The following APOBEC3F variants were observed in gnomAD, a reference collection of about 807,000 sequenced individuals.
The protein encoded by APOBEC3F is apolipoprotein B mRNA editing enzyme catalytic subunit 3F.
APOBEC3F carries 34 observed loss-of-function variants against 45.8 expected under a neutral mutation model. The observed-to-expected ratio is 0.74, with a 90% CI of 0.57 to 0.99. The LOEUF (loss-of-function observed/expected upper bound fraction) is 0.99. Among genes scored for constraint, APOBEC3F ranks in the 50% least tolerant of loss-of-function variants. APOBEC3F has a pLI of 0.00. For synonymous variants in APOBEC3F, 192 were observed against 174.4 expected, an observed-to-expected ratio of 1.10 and a Z score of -0.80; for missense variants, 459 against 474.1, an observed-to-expected ratio of 0.97 and a Z score of 0.30.
At chr22:39,044,129 C>T in intron 2 of APOBEC3F, 1 of 1,567,082 alleles carries the variant, frequency 6.4e-7, no homozygotes, top group Non-Finnish European at 8.7e-7. Context: ...CTCAGTAGCC[C>T]CTTTGGCCAG....
In APOBEC3F at chr22:39,053,004, T is replaced by G; in HGVS notation, c.*309T>G. On this transcript the variant is annotated 3_prime_UTR_variant, in exon 7 of 7. Transcript: ENST00000308521. ...TAACCTAATATTTTTTTTTTTTTTT[T>G]GAGACGGAATTTCGCTCTGTCACCC... The G allele has an allele frequency of 3.8e-6, 1 of 263,608 alleles. No homozygotes were observed. Among genetic ancestry groups the G allele is most frequent in the Non-Finnish European group, 6.5e-6 (1 of 153,440 alleles). The allele number at this position is 263,608 out of a possible 1,614,324, so 16.3% of individuals were successfully genotyped here.
At chr22:39,051,395 G>A (rs1160711376) in intron 5 of APOBEC3F, among the ~76,000 whole-genome samples, 1 of 151,954 alleles carries the variant, frequency 6.6e-6, no homozygotes, top group African/African-American at 2.4e-5. Context: ...AAATTAGCCA[G>A]GCGTGGTGGC....
rs973328298 is a variant in APOBEC3F at position 39,051,546 on chromosome 22, A to T, written c.724-528A>T. 1.4e-4 allele frequency among the ~76,000 whole-genome samples: 22 copies of T among 151,908 alleles called. 1 individual carries two copies. Among genetic ancestry groups the T allele is most frequent in the East Asian group, 3.9e-4 (2 of 5,182 alleles). On this transcript the variant is annotated intron_variant, in intron 5 of 6. Transcript: ENST00000308521. ...AGCGAGACTCAGTATCAAAAAAAAA[A>T]AAAAAGAAAGAAAAAGAAAAGAAAA...
At chr22:39,048,053 C>G (rs1015175960) in intron 4 of APOBEC3F, among the ~76,000 whole-genome samples, 13 of 152,220 alleles carry the variant, frequency 8.5e-5, no homozygotes, top group African/African-American at 2.7e-4. Flanking sequence ...ACAGGCTCCT[C>G]CTCCGTGAGC....
rs567454602 is a variant in APOBEC3F at position 39,053,993 on chromosome 22, A to G, written c.*1298A>G. 6.6e-6 allele frequency: 1 copy of G among 151,992 alleles called. No individual in the cohort carries two copies. The highest frequency in any genetic ancestry group is 2.1e-4 in the South Asian group (1 of 4,820). 9.4% of individuals were successfully genotyped at this position (151,992 alleles called of 1,614,324 possible). On this transcript the variant is annotated 3_prime_UTR_variant, in exon 7 of 7. Coordinates refer to ENST00000308521, the MANE Select transcript of APOBEC3F (RefSeq NM_145298.6). ...TAGTGCCCATGGGCTTTCCCATAGG[A>G]CAAGAGAACATTTCTCCTTTTCTTT...
chr22:39,053,881 C>T lies in APOBEC3F; in HGVS notation c.*1186C>T, dbSNP rs1195688238. On this transcript the variant is annotated 3_prime_UTR_variant, in exon 7 of 7. Transcript: ENST00000308521. ...ACCCTGAAACCAGCTTTATCCATAG[C>T]TTCTGCAATAAATGGCTGTAAGTCT... 3 of 152,226 alleles carry T rather than the reference C, an allele frequency of 2.0e-5. No individual in the cohort carries two copies. The highest frequency in any genetic ancestry group is 6.5e-5 in the Admixed American group (1 of 15,278). 9.4% of individuals were successfully genotyped at this position (152,226 alleles called of 1,614,324 possible).
In APOBEC3F at chr22:39,044,971, A is replaced by G. The variant is rs1213275598; in HGVS notation, c.202A>G (p.Met68Val). Residue 68 changes from methionine (M) to valine (V), a missense_variant, in exon 3 of 7, where the codon ATG becomes GTG. Physicochemically the swap from Met to Val is conservative, Grantham distance 21. Coordinates refer to ENST00000308521, the MANE Select transcript of APOBEC3F (RefSeq NM_145298.6). ...VYSQPEHHAE[M>V]CFLSWFCGNQ... ...TTCCCAGCCTGAGCACCACGCAGAA[A>G]TGTGCTTCCTCTCTTGGTTCTGTGG... The G allele has an allele frequency of 1.2e-6, 2 of 1,613,778 alleles. No individual in the cohort carries two copies. Among genetic ancestry groups the G allele is most frequent in the Non-Finnish European group, 1.7e-6 (2 of 1,179,964 alleles).
At chr22:39,046,860 G>A (rs890095064) in intron 4 of APOBEC3F, among the ~76,000 whole-genome samples, 7 of 152,012 alleles carry the variant, frequency 4.6e-5, no homozygotes, top group Non-Finnish European at 1.0e-4. Context: ...GAGTAGGCTT[G>A]GATAATGGGA....
Position 39,043,062 on chromosome 22 carries a change from G to C in APOBEC3F, c.143G>C (p.Arg48Pro), listed in dbSNP as rs35053197. 1.9e-3 allele frequency: 3,122 copies of C among 1,613,178 alleles called. 37 individuals are homozygous for C. In the African/African-American group the frequency reaches 0.027, roughly 14 times the overall value. The change falls in exon 2 of 7, where the codon CGT becomes CCT. Residue 48 changes from arginine (R) to proline (P), a missense_variant. Arg to Pro is a moderately radical substitution (Grantham distance 103, BLOSUM62 -2). Transcript: ENST00000308521. ...AAAACAAAGGGTCCCTCAAGGCCCCGTTTGGACGCAAAGATCTTTCGAGGC... is the reference window on the plus strand; with the variant it reads ...AAAACAAAGGGTCCCTCAAGGCCCCCTTTGGACGCAAAGATCTTTCGAGGC... ...EVKTKGPSRPRLDAKIFRGQV... is the reference protein window; with the variant it reads ...EVKTKGPSRPPLDAKIFRGQV...
Position 39,052,989 on chromosome 22 carries a change from T to C in APOBEC3F, c.*294T>C. Reference sequence around the variant, plus strand: ...CCCATCTCCCCAGCATAACCTAATATTTTTTTTTTTTTTTTGAGACGGAAT... The same window carrying C: ...CCCATCTCCCCAGCATAACCTAATACTTTTTTTTTTTTTTTGAGACGGAAT... On this transcript the variant is annotated 3_prime_UTR_variant, in exon 7 of 7. Coordinates refer to ENST00000308521, the MANE Select transcript of APOBEC3F (RefSeq NM_145298.6). 1 of 194,054 alleles carries C rather than the reference T, an allele frequency of 5.2e-6. No individual in the cohort carries two copies. The highest frequency in any genetic ancestry group is 8.7e-6 in the Non-Finnish European group (1 of 114,528). The allele number at this position is 194,054 out of a possible 1,614,324, so 12.0% of individuals were successfully genotyped here.
intron 1 of APOBEC3F, among the ~76,000 whole-genome samples, chr22:39,042,522 G>T (rs1926966848): frequency 6.6e-6 from 1 of 152,138 alleles, no homozygotes; most frequent in Admixed American, 6.5e-5. Context: ...ATGTTGGTGA[G>T]ACTGGTCTCA....
At chr22:39,051,971 C>A in intron 5 of APOBEC3F, 103 bp from the exon 6 acceptor site, 1 of 1,497,612 alleles carries the variant, frequency 6.7e-7, no homozygotes. Flanking sequence ...AATAAGGAAA[C>A]GCCCTGGGGC....
rs1927644517 is a variant in APOBEC3F, at chr22:39,054,973, G to A, written c.*2278G>A. ...GGGTCGGCGGGGTTGTTTGCTCTGAGGCCGCTCCTCCTGGATGGCAGGGAT... is the reference window on the plus strand; with the variant it reads ...GGGTCGGCGGGGTTGTTTGCTCTGAAGCCGCTCCTCCTGGATGGCAGGGAT... On this transcript the variant is annotated 3_prime_UTR_variant, in exon 7 of 7. Coordinates refer to ENST00000308521, the MANE Select transcript of APOBEC3F (RefSeq NM_145298.6). Among the ~76,000 whole-genome samples, 1 of 152,092 alleles carries A rather than the reference G, an allele frequency of 6.6e-6. No individual in the cohort carries two copies. Among genetic ancestry groups the A allele is most frequent in the Non-Finnish European group, 1.5e-5 (1 of 68,018 alleles).
In APOBEC3F at chr22:39,054,510, G is replaced by A. The variant is rs1569075096; in HGVS notation, c.*1815G>A. 6.6e-6 allele frequency among the ~76,000 whole-genome samples: 1 copy of A among 152,126 alleles called. No homozygotes were observed. Among genetic ancestry groups the A allele is most frequent in the Non-Finnish European group, 1.5e-5 (1 of 68,024 alleles). On this transcript the variant is annotated 3_prime_UTR_variant, in exon 7 of 7. Coordinates refer to ENST00000308521, the MANE Select transcript of APOBEC3F (RefSeq NM_145298.6). ...CTCCCAAAGTGCTGGGATTACAGGC[G>A]TGAGCCACCTGGCCAGGCTTAGGCT...
intron 6 of APOBEC3F, 85 bp downstream of exon 6, chr22:39,052,438 A>G (rs1342785268): frequency 4.4e-6 from 7 of 1,583,018 alleles, no homozygotes; most frequent in Admixed American, 1.7e-5. Context: ...GGGGCGGGGC[A>G]GTGTCCCGGG....
intron 4 of APOBEC3F, among the ~76,000 whole-genome samples, chr22:39,047,522 C>T (rs879829776): frequency 9.2e-5 from 14 of 152,184 alleles, no homozygotes; most frequent in Non-Finnish European, 1.6e-4. Context: ...GACCACTGCC[C>T]GCTCTGCCCA....
intron 5 of APOBEC3F, among the ~76,000 whole-genome samples, chr22:39,049,994 C>T (rs1428764885): frequency 3.3e-5 from 5 of 150,766 alleles, no homozygotes; most frequent in Non-Finnish European, 5.9e-5. Flanking sequence ...TGAGCCACCA[C>T]GCCCAACTTC....
chr22:39,052,513 G>A, intron 6 of APOBEC3F, 64 bp from the exon 7 acceptor site: 3 of 1,571,350 alleles, frequency 1.9e-6, no homozygotes, highest in Non-Finnish European at 2.6e-6. Context: ...GCTTGGAGGG[G>A]AGGGCCCAGG....
At position 39,045,176 on chromosome 22, in the gene APOBEC3F, G is replaced by A; in HGVS notation, c.407G>A (p.Arg136Lys). 2 of 1,614,186 alleles carry A rather than the reference G, an allele frequency of 1.2e-6. No homozygotes were observed. The highest frequency in any genetic ancestry group is 1.7e-6 in the Non-Finnish European group (2 of 1,180,024). ...AGAGATTACCGAAGGGCGCTCTGCA[G>A]GCTGAGTCAGGCAGGGGCCCGCGTG... is the stretch of plus-strand genomic sequence containing the variant. ...WERDYRRALC[R>K]LSQAGARVKI... The change falls in exon 3 of 7, where the codon AGG becomes AAG. Residue 136 changes from arginine to lysine, a missense_variant. Arg to Lys is a conservative substitution (Grantham distance 26, BLOSUM62 2). Transcript: ENST00000308521.
Sources: gnomAD v4.1 joint callset for allele counts (sites outside exome capture counted in the v4.1 genomes callset) on GRCh38, gnomAD v4.1.1 for gene constraint, MANE v1.5 for transcripts, NCBI Gene and HGNC (gene_info 2026-07-23, HGNC 2026-07-21) for gene names.